DNER: variants seen among roughly 807,000 people sequenced by gnomAD.
The protein encoded by DNER is delta/notch like EGF repeat containing, also known as delta and Notch-like epidermal growth factor-related receptor.
DNER carries 33 observed loss-of-function variants against 78.2 expected under a neutral mutation model. The ratio of observed to expected loss-of-function variants is 0.42; its 90% CI spans 0.32 to 0.56. The LOEUF is 0.56. DNER is among the 20% of genes least tolerant of loss of function. The probability of loss-of-function intolerance (pLI) is 0.11; values close to 1 mark genes in which losing one functional copy is unlikely to be tolerated. For missense variants in DNER, 918 were observed against 975.3 expected, an observed-to-expected ratio of 0.94 and a Z score of 0.78; for synonymous variants, 417 against 384.8, an observed-to-expected ratio of 1.08 and a Z score of -0.98.
At chr2:229,621,158 TAAAAC>T (rs10539579) in intron 1 of DNER, among the ~76,000 whole-genome samples, 35,607 of 151,912 alleles carry the variant, frequency 0.23, 4,868 homozygotes, top group African/African-American at 0.36. Flanking sequence ...CTGCAGATAT[TAAAAC>T]AAAACAAAAG....
intron 1 of DNER, among the ~76,000 whole-genome samples, chr2:229,653,535 T>A (rs966307238): frequency 1.3e-5 from 2 of 152,222 alleles, no homozygotes; most frequent in East Asian, 1.9e-4. Context: ...GAGTTCTTTT[T>A]ATAAACACAT....
chr2:229,691,685 G>C (rs1241252245), intron 1 of DNER, among the ~76,000 whole-genome samples: 1 of 151,880 alleles, frequency 6.6e-6, no homozygotes, highest in African/African-American at 2.4e-5. Flanking sequence ...ATTTGCTAAA[G>C]AGACACTTTA....
intron 5 of DNER, among the ~76,000 whole-genome samples, chr2:229,520,229 C>G (rs1696067652): frequency 6.6e-6 from 1 of 152,216 alleles, no homozygotes. Flanking sequence ...TCTTCCGTGT[C>G]TATCTCTGAT....
intron 11 of DNER, among the ~76,000 whole-genome samples, chr2:229,371,736 C>T (rs929590633): frequency 3.9e-5 from 6 of 152,148 alleles, no homozygotes; most frequent in African/African-American, 9.7e-5. Flanking sequence ...AAATACATAG[C>T]CCATATCTAT....
At chr2:229,703,356 C>A (rs558199785) in intron 1 of DNER, among the ~76,000 whole-genome samples, 32 of 152,072 alleles carry the variant, frequency 2.1e-4, no homozygotes, top group African/African-American at 7.7e-4. Context: ...AAAAAAAGAA[C>A]GAAAACTACC....
intron 6 of DNER, among the ~76,000 whole-genome samples, chr2:229,501,305 C>A (rs1695616628): frequency 6.7e-6 from 1 of 149,950 alleles, no homozygotes; most frequent in Admixed American, 6.7e-5. Flanking sequence ...AGTGTTCTCA[C>A]CACAAAGAAA....
At chr2:229,564,027 C>A (rs540373989) in intron 4 of DNER, among the ~76,000 whole-genome samples, 17 of 141,018 alleles carry the variant, frequency 1.2e-4, no homozygotes, top group African/African-American at 4.5e-4. Flanking sequence ...ATCATCCTCA[C>A]CCCATCACCA....
intron 4 of DNER, among the ~76,000 whole-genome samples, chr2:229,560,432 T>C (rs1696934141): frequency 1.3e-5 from 2 of 152,126 alleles, no homozygotes; most frequent in Admixed American, 1.3e-4. Flanking sequence ...TGGCACCAGA[T>C]AGGCATGAAA....
chr2:229,549,134 A>T (rs1381148296), intron 4 of DNER, among the ~76,000 whole-genome samples: 1 of 152,190 alleles, frequency 6.6e-6, no homozygotes, highest in Non-Finnish European at 1.5e-5. Context: ...ACCAAGATGC[A>T]TGGAAAGAAA....
At chr2:229,579,912 T>C (rs1324848483) in intron 4 of DNER, among the ~76,000 whole-genome samples, 1 of 152,084 alleles carries the variant, frequency 6.6e-6, no homozygotes, top group Non-Finnish European at 1.5e-5. Context: ...AATAAAATCC[T>C]GGGGACTGTG....
chr2:229,439,670 A>T lies in DNER; in HGVS notation c.1486+7646T>A, dbSNP rs184768865. ...TAATAATTTTCAACCACATAGTAAG[A>T]GTCAATGGCTTTGTTACAAAATAGT... is the stretch of plus-strand genomic sequence containing the variant. On this transcript the variant is annotated intron_variant, in intron 8 of 12. Transcript: ENST00000341772. Among the ~76,000 whole-genome samples the T allele has an allele frequency of 2.0e-5, 3 of 152,322 alleles. No homozygotes were observed. In the East Asian group the frequency reaches 5.8e-4, roughly 29 times the overall value.
intron 5 of DNER, among the ~76,000 whole-genome samples, chr2:229,518,255 G>A (rs566967594): frequency 6.6e-6 from 1 of 152,266 alleles, no homozygotes; most frequent in East Asian, 1.9e-4. Flanking sequence ...ACTGGATATT[G>A]TCCAACATGT....
At chr2:229,397,825 A>C (rs2106340237) in intron 10 of DNER, among the ~76,000 whole-genome samples, 1 of 152,314 alleles carries the variant, frequency 6.6e-6, no homozygotes, top group African/African-American at 2.4e-5. Context: ...AATTAAATTG[A>C]CTGAAAATGA....
At chr2:229,456,388 T>A (rs985795831) in intron 7 of DNER, among the ~76,000 whole-genome samples, 1 of 151,448 alleles carries the variant, frequency 6.6e-6, no homozygotes, top group Admixed American at 6.6e-5. Context: ...CGTTTCCACA[T>A]CAGATTTGAA....
Position 229,640,876 on chromosome 2 carries a change from T to C in DNER, c.277-48988A>G, listed in dbSNP as rs189034327. Among the ~76,000 whole-genome samples the C allele has an allele frequency of 2.0e-5, 3 of 152,164 alleles. No individual in the cohort carries two copies. The East Asian group carries it at 5.8e-4, about 29-fold the overall frequency. On this transcript the variant is annotated intron_variant, in intron 1 of 12. Coordinates refer to ENST00000341772, the MANE Select transcript of DNER (RefSeq NM_139072.4). ...AGGTCAACACCTGAACAACACTGAG[T>C]TGCGGTTCGGCTGAGTAGGTGCAGC...
chr2:229,558,424 G>A (rs1408873624), intron 4 of DNER, among the ~76,000 whole-genome samples: 1 of 152,134 alleles, frequency 6.6e-6, no homozygotes, highest in Non-Finnish European at 1.5e-5. Context: ...TGTCAAAAAT[G>A]TCAAGGGTTC....
At chr2:229,696,534 C>T (rs558104984) in intron 1 of DNER, among the ~76,000 whole-genome samples, 15 of 152,300 alleles carry the variant, frequency 9.8e-5, no homozygotes, top group African/African-American at 3.1e-4. Context: ...GCCACTTATT[C>T]CCAGTGGCTC....
At position 229,635,512 on chromosome 2, in the gene DNER, C is replaced by T. The variant is rs115115106; in HGVS notation, c.277-43624G>A. On this transcript the variant is annotated intron_variant, in intron 1 of 12. Transcript: ENST00000341772. ...GGCACTTCAGTATTGACACAAGTCTCAATGTCTTTATTCCTCACATGCAGG... is the reference window on the plus strand; with the variant it reads ...GGCACTTCAGTATTGACACAAGTCTTAATGTCTTTATTCCTCACATGCAGG... Among the ~76,000 whole-genome samples the T allele has an allele frequency of 8.6e-3, 1,304 of 152,190 alleles. 18 individuals are homozygous for T. The highest frequency in any genetic ancestry group is 0.03 in the African/African-American group (1,233 of 41,500).
chr2:229,492,497 C>G (rs1211738457), intron 6 of DNER, among the ~76,000 whole-genome samples: 1 of 152,166 alleles, frequency 6.6e-6, no homozygotes, highest in African/African-American at 2.4e-5. Context: ...GAAACACACT[C>G]TTTGACTCAA....
Sources: gnomAD v4.1 joint callset for allele counts (sites outside exome capture counted in the v4.1 genomes callset) on GRCh38, gnomAD v4.1.1 for gene constraint, MANE v1.5 for transcripts, NCBI Gene and HGNC (gene_info 2026-07-23, HGNC 2026-07-21) for gene names.